The following RABEP1 variants were observed in gnomAD, a reference collection of about 807,000 sequenced individuals.
RABEP1 encodes the protein rabaptin, RAB GTPase binding effector protein 1.
Under a neutral mutation model 123.4 loss-of-function variants are expected in RABEP1, and 51 were observed. That is an observed-to-expected ratio of 0.41 (90% CI 0.33 to 0.52). The LOEUF is 0.52. RABEP1 is among the 20% of genes least tolerant of loss of function. The probability of loss-of-function intolerance (pLI) is 0.16; values close to 1 mark genes in which losing one functional copy is unlikely to be tolerated. For missense variants in RABEP1, 888 were observed against 996.3 expected (o/e 0.89, Z 1.46); for synonymous variants, 347 against 355.2 (o/e 0.98, Z 0.26).
chr17:5,375,179 C>G (rs545868928), intron 13 of RABEP1, among the ~76,000 whole-genome samples: 7 of 150,092 alleles, frequency 4.7e-5, no homozygotes, highest in Non-Finnish European at 5.9e-5. Flanking sequence ...GATTCAATCT[C>G]TATAATTTGG....
At chr17:5,375,257 C>T (rs1279304420) in intron 13 of RABEP1, among the ~76,000 whole-genome samples, 1 of 151,934 alleles carries the variant, frequency 6.6e-6, no homozygotes, top group African/African-American at 2.4e-5. Context: ...TCATCATTTA[C>T]AAAAAACCAG....
At chr17:5,291,727 C>T (rs753875256) in intron 1 of RABEP1, among the ~76,000 whole-genome samples, 6 of 151,964 alleles carry the variant, frequency 3.9e-5, no homozygotes, top group East Asian at 1.9e-4. Context: ...GCCAACATGG[C>T]GAAATTCCGT....
At chr17:5,344,598 C>T (rs546159460) in intron 5 of RABEP1, among the ~76,000 whole-genome samples, 10 of 151,688 alleles carry the variant, frequency 6.6e-5, no homozygotes, top group East Asian at 5.8e-4. Context: ...CGGTGAAACC[C>T]GGTCTCTACT....
chr17:5,367,306 G>C (rs906221556), intron 11 of RABEP1, among the ~76,000 whole-genome samples: 10 of 150,346 alleles, frequency 6.7e-5, no homozygotes, highest in East Asian at 4.0e-4. Context: ...TTGTCTCGCT[G>C]TGTCGCCCAG....
chr17:5,302,998 C>T (rs1341085456), intron 1 of RABEP1, among the ~76,000 whole-genome samples: 1 of 151,994 alleles, frequency 6.6e-6, no homozygotes, highest in Non-Finnish European at 1.5e-5. Context: ...ATTCTTAAAA[C>T]AAGAAAGATA....
chr17:5,323,916 A>C (rs1905708547), intron 2 of RABEP1, among the ~76,000 whole-genome samples: 1 of 143,290 alleles, frequency 7.0e-6, no homozygotes, highest in Non-Finnish European at 1.5e-5. Context: ...TCTGTAAAAC[A>C]CCAATGAAAG....
intron 12 of RABEP1, among the ~76,000 whole-genome samples, chr17:5,369,090 C>T (rs1479561860): frequency 6.6e-6 from 1 of 151,734 alleles, no homozygotes; most frequent in Non-Finnish European, 1.5e-5. Context: ...GCCTGGGTGA[C>T]ACAGCAAGAC....
chr17:5,362,872 A>ATTATT, intron 9 of RABEP1, 40 bp from the exon 10 acceptor site: 2 of 1,320,568 alleles, frequency 1.5e-6, no homozygotes. Flanking sequence ...GTGATGTAGA[A>ATTATT]TTGTTTTGCC....
At chr17:5,321,933 T>A (rs963635210) in intron 2 of RABEP1, among the ~76,000 whole-genome samples, 2 of 152,176 alleles carry the variant, frequency 1.3e-5, no homozygotes, top group African/African-American at 4.8e-5. Flanking sequence ...GTGCGGTGGC[T>A]CACGCCTCTA....
At chr17:5,325,909 C>G (rs1200744673) in intron 2 of RABEP1, among the ~76,000 whole-genome samples, 2 of 152,148 alleles carry the variant, frequency 1.3e-5, no homozygotes, top group Admixed American at 1.3e-4. Flanking sequence ...AAACACCTCA[C>G]TAAAGAGTCT....
chr17:5,327,629 C>T (rs766764047), intron 2 of RABEP1, among the ~76,000 whole-genome samples: 1 of 152,132 alleles, frequency 6.6e-6, no homozygotes, highest in Non-Finnish European at 1.5e-5. Flanking sequence ...TGTATGGTTA[C>T]TGGAGCTGGC....
At chr17:5,310,301 C>CGTTTTTTTTTT (rs2075224343) in intron 2 of RABEP1, among the ~76,000 whole-genome samples, 1 of 126,436 alleles carries the variant, frequency 7.9e-6, no homozygotes, top group African/African-American at 3.1e-5. Context: ...AAGCTTCGTC[C>CGTTTTTTTTTT]TTTTTTTTTT....
At chr17:5,289,212 C>T (rs1024603501) in intron 1 of RABEP1, among the ~76,000 whole-genome samples, 1 of 146,410 alleles carries the variant, frequency 6.8e-6, no homozygotes, top group African/African-American at 2.5e-5. Flanking sequence ...GTTGCTGTTT[C>T]ACATCTTTCT....
chr17:5,335,724 T>G (rs888954462), intron 4 of RABEP1, among the ~76,000 whole-genome samples: 15 of 152,220 alleles, frequency 9.9e-5, no homozygotes, highest in Admixed American at 5.2e-4. Flanking sequence ...TTTACTGTCT[T>G]TCTTTCCTTG....
chr17:5,354,845 G>A (rs913598726), intron 8 of RABEP1, among the ~76,000 whole-genome samples: 4 of 152,258 alleles, frequency 2.6e-5, no homozygotes, highest in Admixed American at 2.0e-4. Context: ...TATCTAAAGC[G>A]CTGAAATGCT....
intron 3 of RABEP1, among the ~76,000 whole-genome samples, chr17:5,334,816 A>G (rs1318249913): frequency 6.6e-6 from 1 of 152,168 alleles, no homozygotes; most frequent in East Asian, 1.9e-4. Flanking sequence ...GCGACATGTT[A>G]TATTTGCCTT....
chr17:5,367,559 G>A lies in RABEP1; in HGVS notation c.1786-811G>A, dbSNP rs768499838. Among the ~76,000 whole-genome samples, 42 of 147,098 alleles carry A rather than the reference G, an allele frequency of 2.9e-4. 1 individual carries two copies. Among genetic ancestry groups the A allele is most frequent in the South Asian group, 9.7e-4 (4 of 4,136 alleles). The stretch of plus-strand genomic sequence containing the variant: ...GCTAGGATTACAGGCGTGAGTCACC[G>A]TGCCCAGCCAAGGGTAAAACTTTTT... On this transcript the variant is annotated intron_variant, in intron 11 of 17. Coordinates refer to ENST00000537505, the MANE Select transcript of RABEP1 (RefSeq NM_004703.6).
Position 5,362,162 on chromosome 17 carries a change from C to T in RABEP1, c.1563+487C>T, listed in dbSNP as rs565503711. On this transcript the variant is annotated intron_variant, in intron 9 of 17. Coordinates refer to ENST00000537505, the MANE Select transcript of RABEP1 (RefSeq NM_004703.6). ...AATCTTTAATGAAGTTGATTTTCCT[C>T]CTTAGAGAATTTGTAAATTCACAGG... 33 of 161,584 alleles carry T rather than the reference C, an allele frequency of 2.0e-4. 1 individual carries two copies. The South Asian group carries it at 5.2e-3, about 26-fold the overall frequency. 10.0% of individuals were successfully genotyped at this position (161,584 alleles called of 1,614,324 possible).
chr17:5,346,636 C>A (rs1908088941), intron 5 of RABEP1, among the ~76,000 whole-genome samples, 154 bp from the exon 6 acceptor site: 1 of 152,122 alleles, frequency 6.6e-6, no homozygotes, highest in African/African-American at 2.4e-5. Flanking sequence ...TTCTATAGTA[C>A]ATATTTTATA....
Sources: gnomAD v4.1 joint callset for allele counts (sites outside exome capture counted in the v4.1 genomes callset) on GRCh38, gnomAD v4.1.1 for gene constraint, MANE v1.5 for transcripts, NCBI Gene and HGNC (gene_info 2026-07-23, HGNC 2026-07-21) for gene names.